PMS2: variants seen among roughly 807,000 people sequenced by gnomAD.
The protein encoded by PMS2 is PMS1 homolog 2, mismatch repair system component, also known as mismatch repair endonuclease PMS2.
Under a neutral mutation model 90.0 loss-of-function variants are expected in PMS2, and 69 were observed. The ratio of observed to expected loss-of-function variants is 0.77; its 90% CI spans 0.63 to 0.94. The LOEUF (loss-of-function observed/expected upper bound fraction) is 0.94. PMS2 is among the 40% of genes least tolerant of loss of function. The pLI, the probability that PMS2 is intolerant of heterozygous loss-of-function variation, is 0.00. For synonymous variants in PMS2, 332 were observed against 375.1 expected (o/e 0.89, Z 1.33); for missense variants, 966 against 1,040.2 (o/e 0.93, Z 0.98).
chr7:5,999,006 T>C, intron 6 of PMS2, 102 bp downstream of exon 6: 8 of 1,100,246 alleles, frequency 7.3e-6, no homozygotes, highest in Non-Finnish European at 1.1e-5. Flanking sequence ...AAAAAAAAAA[T>C]CAATTCTAAG....
In PMS2 at chr7:5,989,838, T is replaced by C. The variant is rs2128747431; in HGVS notation, c.1106A>G (p.Lys369Arg). 6.2e-7 allele frequency: 1 copy of C among 1,613,208 alleles called. No homozygotes were observed. Among genetic ancestry groups the C allele is most frequent in the Non-Finnish European group, 8.5e-7 (1 of 1,179,332 alleles). Residue 369 changes from lysine to arginine, a missense_variant, in exon 10 of 15, where the codon AAG becomes AGG. Transcript: ENST00000265849. ...CAGTGGCTGCTGACTGACATTTAGC[T>C]TGTTGACATCACTATCAAACATTCC... is the stretch of plus-strand genomic sequence containing the variant. ...LIGMFDSDVN[K>R]LNVSQQPLLD...
rs1250216615 is a variant in PMS2 at position 6,002,651 on chromosome 7, C to T, written c.354-15G>A. 1 of 1,606,478 alleles carries T rather than the reference C, an allele frequency of 6.2e-7. No homozygotes were observed. The highest frequency in any genetic ancestry group is 1.7e-5 in the Admixed American group (1 of 60,004). ...TGGTGACATCGCTGTGAGAGAATAC[C>T]AGGCATGGTGTGTTCAGTGAGAGAC... On this transcript the variant is annotated splice_polypyrimidine_tract_variant and intron_variant, in intron 4 of 14. Transcript: ENST00000265849.
At position 5,998,313 on chromosome 7, in the gene PMS2, C is replaced by G. The variant is rs1413188894; in HGVS notation, c.705+795G>C. Among the ~76,000 whole-genome samples the G allele has an allele frequency of 2.0e-5, 3 of 150,806 alleles. No individual in the cohort carries two copies. In the East Asian group the frequency reaches 6.0e-4, roughly 30 times the overall value. ...ATCAGGCTGGTCTCAAACTCCTGAC[C>G]TCGTGATCCGCCCACCTCAGCCTCC... On this transcript the variant is annotated intron_variant, in intron 6 of 14. Coordinates refer to ENST00000265849, the MANE Select transcript of PMS2 (RefSeq NM_000535.7).
At chr7:6,003,594 T>C in intron 4 of PMS2, 96 bp downstream of exon 4, 1 of 725,750 alleles carries the variant, frequency 1.4e-6, no homozygotes, top group East Asian at 2.6e-5. Flanking sequence ...GAAGTTGAGA[T>C]GTTGAGATAG....
At chr7:5,980,833 T>G (rs1374068573) in intron 12 of PMS2, among the ~76,000 whole-genome samples, 1 of 148,668 alleles carries the variant, frequency 6.7e-6, no homozygotes, top group Non-Finnish European at 1.5e-5. Context: ...AAATGTCTAT[T>G]ATTACCATTG....
chr7:5,994,950 A>C (rs1409444162), intron 8 of PMS2, among the ~76,000 whole-genome samples: 1 of 152,150 alleles, frequency 6.6e-6, no homozygotes, highest in Non-Finnish European at 1.5e-5. Context: ...TGAATACTAT[A>C]CCGAAAAACA....
chr7:6,006,133 G>A (rs1583420361), intron 1 of PMS2, 102 bp from the exon 2 acceptor site: 3 of 1,257,684 alleles, frequency 2.4e-6, no homozygotes, highest in Non-Finnish European at 3.5e-6. Flanking sequence ...TAATTTATGG[G>A]TCTAATCTAT....
At position 5,992,082 on chromosome 7, in the gene PMS2, A is replaced by C. The variant is rs1196810013; in HGVS notation, c.904-25T>G. 1 of 1,260,862 alleles carries C rather than the reference A, an allele frequency of 7.9e-7. No individual in the cohort carries two copies. The highest frequency in any genetic ancestry group is 1.2e-6 in the Non-Finnish European group (1 of 858,090). The allele number at this position is 1,260,862 out of a possible 1,614,324, so 78.1% of individuals were successfully genotyped here. A position where few individuals can be genotyped will look rare whatever the true frequency, so the allele number is the denominator to read the frequency against. ...CCTGCACAAAATACAAGGAGTAGAA[A>C]AGAATAAATGACAAATGTTCCCAGC... On this transcript the variant is annotated intron_variant, in intron 8 of 14. Transcript: ENST00000265849.
chr7:5,994,630 A>G (rs1033584341), intron 8 of PMS2, among the ~76,000 whole-genome samples: 24 of 147,722 alleles, frequency 1.6e-4, no homozygotes, highest in Admixed American at 4.8e-4. Context: ...AAAAAAATTA[A>G]CCAGGCGTGG....
chr7:6,000,965 T>A (rs552550604), intron 5 of PMS2, among the ~76,000 whole-genome samples: 4 of 152,296 alleles, frequency 2.6e-5, no homozygotes, highest in Non-Finnish European at 4.4e-5. Flanking sequence ...CACTCCAGCC[T>A]GGGCGACAGA....
intron 4 of PMS2, among the ~76,000 whole-genome samples, chr7:6,002,838 T>A (rs1301994509): frequency 6.6e-6 from 1 of 152,206 alleles, no homozygotes. Flanking sequence ...CAGAGAGCAC[T>A]AAACATGCTT....
In PMS2 at chr7:5,989,871, G is replaced by C. The variant is rs762299041; in HGVS notation, c.1073C>G (p.Ser358Cys). The change falls in exon 10 of 15, where the codon TCT becomes TGT. Residue 358 changes from serine (S) to cysteine (C), a missense_variant. Physicochemically the swap from Ser to Cys is moderately radical, Grantham distance 112. Around this residue, in one of 2 missense-constraint regions of PMS2, gnomAD observed 871 missense variants for 802.4 expected, o/e 1.09. Coordinates refer to ENST00000265849, the MANE Select transcript of PMS2 (RefSeq NM_000535.7). ...ATCACTATCAAACATTCCTATCAAA[G>C]AGGTCTTTAAAACTGCCAACAAAAG... ...EKLLLAVLKT[S>C]LIGMFDSDVN... The C allele has an allele frequency of 1.2e-6, 2 of 1,612,432 alleles. No individual in the cohort carries two copies. The highest frequency in any genetic ancestry group is 1.7e-6 in the Non-Finnish European group (2 of 1,178,814).
At position 5,973,018 on chromosome 7, in the gene PMS2, T is replaced by C. The variant is rs1168498384; in HGVS notation, c.*381A>G. Among the ~76,000 whole-genome samples the C allele has an allele frequency of 1.6e-5, 2 of 126,848 alleles. No individual in the cohort carries two copies. Among genetic ancestry groups the C allele is most frequent in the Admixed American group, 1.6e-4 (2 of 12,164 alleles). The allele number at this position is 126,848 out of a possible 152,430, so 83.2% of individuals were successfully genotyped here. A position where few individuals can be genotyped will look rare whatever the true frequency, so the allele number is the denominator to read the frequency against. On this transcript the variant is annotated 3_prime_UTR_variant, in exon 15 of 15. Transcript: ENST00000265849. The stretch of plus-strand genomic sequence containing the variant: ...GCCAGCACACCTGGCTAATTTTGTA[T>C]TTTTAGTAGAGGCAGGGTTTCTCCA...
intron 2 of PMS2, among the ~76,000 whole-genome samples, chr7:6,005,659 G>C (rs527828138): frequency 2.6e-5 from 4 of 152,124 alleles, no homozygotes; most frequent in Non-Finnish European, 4.4e-5. Context: ...AAATATTTCT[G>C]TGCAATTCTT....
At chr7:6,008,867 G>A (rs1157751081) in intron 1 of PMS2, 130 bp downstream of exon 1, 4 of 1,148,646 alleles carry the variant, frequency 3.5e-6, no homozygotes, top group African/African-American at 1.5e-5. Context: ...TCGCCACTCC[G>A]GGGCCTCCAG....
chr7:6,007,309 T>C (rs1457382197), intron 1 of PMS2, among the ~76,000 whole-genome samples: 1 of 151,886 alleles, frequency 6.6e-6, no homozygotes, highest in Non-Finnish European at 1.5e-5. Flanking sequence ...AGAGATAGGG[T>C]TTCACCATGT....
intron 10 of PMS2, 27 bp downstream of exon 10, chr7:5,989,773 G>A (rs2128746564): frequency 6.3e-7 from 1 of 1,580,006 alleles, no homozygotes; most frequent in African/African-American, 1.3e-5. Context: ...AGCTTTAGAA[G>A]CTGTTTGTAC....
chr7:5,995,915 T>C (rs973568373), intron 7 of PMS2, among the ~76,000 whole-genome samples: 28 of 152,194 alleles, frequency 1.8e-4, no homozygotes, highest in African/African-American at 6.3e-4. Context: ...CCCTTCCTGA[T>C]AAATCCTCAG....
In PMS2 at chr7:5,978,797, G is replaced by A. The variant is rs1282582410; in HGVS notation, c.2175-101C>T. The stretch of plus-strand genomic sequence containing the variant: ...CAACAATACTGTATTTTGAATTCAT[G>A]TCAAAATAACAACACAAATAACAAC... On this transcript the variant is annotated intron_variant, in intron 12 of 14. Coordinates refer to ENST00000265849, the MANE Select transcript of PMS2 (RefSeq NM_000535.7). 5.7e-5 allele frequency: 73 copies of A among 1,276,056 alleles called. 1 individual carries two copies. Among genetic ancestry groups the A allele is most frequent in the Non-Finnish European group, 7.9e-5 (71 of 902,218 alleles). The allele number at this position is 1,276,056 out of a possible 1,614,324, so 79.0% of individuals were successfully genotyped here.
Sources: gnomAD v4.1 joint callset for allele counts (sites outside exome capture counted in the v4.1 genomes callset) on GRCh38, gnomAD v4.1.1 for gene constraint, gnomAD v4.1.1 regional missense constraint, MANE v1.5 for transcripts, NCBI Gene and HGNC (gene_info 2026-07-23, HGNC 2026-07-21) for gene names.